The following EHBP1 variants were observed in gnomAD, a reference collection of about 807,000 sequenced individuals.
EHBP1 encodes EH domain-binding protein 1.
Under a neutral mutation model 144.0 loss-of-function variants are expected in EHBP1, and 55 were observed. The observed-to-expected ratio is 0.38, with a 90% CI of 0.31 to 0.48. EHBP1 has a LOEUF of 0.48. EHBP1 is among the 20% of genes least tolerant of loss of function. EHBP1 has a pLI of 0.98. For missense variants in EHBP1, 1,200 were observed against 1,364.2 expected (o/e 0.88, Z 1.90); for synonymous variants, 469 against 472.7 (o/e 0.99, Z 0.10).
chr2:62,795,253 C>T (rs184617828), intron 5 of EHBP1, among the ~76,000 whole-genome samples: 2 of 152,128 alleles, frequency 1.3e-5, no homozygotes, highest in Non-Finnish European at 1.5e-5. Flanking sequence ...CTTCCTTCCT[C>T]CCTCCATCCT....
intron 2 of EHBP1, among the ~76,000 whole-genome samples, chr2:62,729,536 T>A (rs1486028327): frequency 5.9e-5 from 7 of 117,870 alleles, no homozygotes; most frequent in Non-Finnish European, 8.2e-5. Context: ...ATAATATATA[T>A]AATATATATT....
At chr2:62,987,449 C>T in intron 15 of EHBP1, among the ~76,000 whole-genome samples, 1 of 151,986 alleles carries the variant, frequency 6.6e-6, no homozygotes, top group East Asian at 1.9e-4. Flanking sequence ...GATAATATTT[C>T]ATTAATAGCA....
chr2:62,712,982 A>G (rs1342082968), intron 2 of EHBP1, among the ~76,000 whole-genome samples: 1 of 152,252 alleles, frequency 6.6e-6, no homozygotes, highest in Non-Finnish European at 1.5e-5. Context: ...TTTAAAATAA[A>G]TAAATTTAAG....
chr2:62,844,918 C>G (rs1202942460), intron 7 of EHBP1, among the ~76,000 whole-genome samples: 1 of 152,070 alleles, frequency 6.6e-6, no homozygotes, highest in Non-Finnish European at 1.5e-5. Flanking sequence ...ATAGGAAACA[C>G]AGTATGCCAG....
At chr2:62,832,375 C>T (rs1392615557) in intron 7 of EHBP1, among the ~76,000 whole-genome samples, 2 of 150,580 alleles carry the variant, frequency 1.3e-5, no homozygotes, top group East Asian at 1.9e-4. Flanking sequence ...CTTCTCATTA[C>T]AGGCATAGTT....
At chr2:62,751,492 GC>G (rs1444755281) in intron 3 of EHBP1, among the ~76,000 whole-genome samples, 1 of 152,206 alleles carries the variant, frequency 6.6e-6, no homozygotes, top group African/African-American at 2.4e-5. Context: ...GATGATGCTG[GC>G]CTCATAAAGT....
At chr2:62,973,545 T>G (rs2058584009) in intron 14 of EHBP1, among the ~76,000 whole-genome samples, 1 of 152,224 alleles carries the variant, frequency 6.6e-6, no homozygotes, top group Non-Finnish European at 1.5e-5. Flanking sequence ...ACTCTAAACT[T>G]AAGTATTCTT....
chr2:62,971,707 T>G (rs1456833301), intron 14 of EHBP1, among the ~76,000 whole-genome samples: 1 of 152,200 alleles, frequency 6.6e-6, no homozygotes, highest in East Asian at 1.9e-4. Flanking sequence ...CTCAGAGTTG[T>G]AAGGAGTAAA....
chr2:62,972,118 G>T (rs1425195230), intron 14 of EHBP1, among the ~76,000 whole-genome samples: 1 of 152,104 alleles, frequency 6.6e-6, no homozygotes, highest in Non-Finnish European at 1.5e-5. Context: ...CCAGTGAAAA[G>T]ATTTTTTTTC....
chr2:62,792,966 T>TA (rs1034393430), intron 5 of EHBP1, among the ~76,000 whole-genome samples: 1 of 151,986 alleles, frequency 6.6e-6, no homozygotes, highest in Non-Finnish European at 1.5e-5. Context: ...AAAATTTTAA[T>TA]ATTTATTACA....
At chr2:63,029,174 C>T (rs1475428433) in intron 19 of EHBP1, among the ~76,000 whole-genome samples, 1 of 151,998 alleles carries the variant, frequency 6.6e-6, no homozygotes, top group Middle Eastern at 3.4e-3. Context: ...AGCACAGCCA[C>T]ATTGTTATGT....
intron 8 of EHBP1, among the ~76,000 whole-genome samples, chr2:62,863,276 C>T (rs2049740295): frequency 6.7e-6 from 1 of 149,400 alleles, no homozygotes; most frequent in Admixed American, 6.7e-5. Flanking sequence ...CAGAGTGAGA[C>T]TCCGTCACAC....
At chr2:63,002,042 A>C (rs955129126) in intron 19 of EHBP1, among the ~76,000 whole-genome samples, 8 of 152,192 alleles carry the variant, frequency 5.3e-5, no homozygotes, top group Admixed American at 5.2e-4. Context: ...TGGTCATCAC[A>C]ATGTAATATG....
At chr2:62,798,102 C>A (rs962555210) in intron 5 of EHBP1, among the ~76,000 whole-genome samples, 2 of 152,160 alleles carry the variant, frequency 1.3e-5, no homozygotes, top group Non-Finnish European at 2.9e-5. Flanking sequence ...TGTGGTGGCT[C>A]ACGCCTGTAA....
intron 4 of EHBP1, among the ~76,000 whole-genome samples, chr2:62,768,147 G>A (rs2041346337): frequency 6.6e-6 from 1 of 152,070 alleles, no homozygotes; most frequent in Non-Finnish European, 1.5e-5. Flanking sequence ...CTCCAAAGCT[G>A]GCAGAAGACA....
intron 7 of EHBP1, among the ~76,000 whole-genome samples, chr2:62,848,335 G>T (rs2048443313): frequency 6.6e-6 from 1 of 151,792 alleles, no homozygotes; most frequent in African/African-American, 2.4e-5. Context: ...CTCCCACCTT[G>T]GCCTCCCAAA....
At chr2:63,027,987 T>C (rs1208541960) in intron 19 of EHBP1, among the ~76,000 whole-genome samples, 1 of 152,142 alleles carries the variant, frequency 6.6e-6, no homozygotes, top group Non-Finnish European at 1.5e-5. Context: ...TGCCTTGAAC[T>C]CTTGGGCTCA....
intron 14 of EHBP1, among the ~76,000 whole-genome samples, chr2:62,959,931 G>T (rs1193203367): frequency 6.6e-6 from 1 of 152,190 alleles, no homozygotes; most frequent in African/African-American, 2.4e-5. Flanking sequence ...TACTTAAATA[G>T]AAGCATGTAG....
intron 2 of EHBP1, among the ~76,000 whole-genome samples, chr2:62,714,231 AAAAG>A (rs2035444780): frequency 2.0e-5 from 3 of 152,292 alleles, no homozygotes; most frequent in Non-Finnish European, 2.9e-5. Context: ...TAAAAAGAAA[AAAAG>A]AAAGAAAGAA....
Sources: gnomAD v4.1 joint callset for allele counts (sites outside exome capture counted in the v4.1 genomes callset) on GRCh38, gnomAD v4.1.1 for gene constraint, MANE v1.5 for transcripts, NCBI Gene and HGNC (gene_info 2026-07-23, HGNC 2026-07-21) for gene names.